The following KIF25 variants were observed in gnomAD, a reference collection of about 807,000 sequenced individuals.
KIF25 encodes the protein kinesin-like protein KIF25.
KIF25 carries 19 observed loss-of-function variants against 32.9 expected under a neutral mutation model. The ratio of observed to expected loss-of-function variants is 0.58; its 90% CI spans 0.40 to 0.85. KIF25 has a LOEUF of 0.85. KIF25 is among the 40% of genes least tolerant of loss of function. The pLI, the probability that KIF25 is intolerant of heterozygous loss-of-function variation, is 0.00. For synonymous variants in KIF25, 225 were observed against 213.7 expected (o/e 1.05, Z -0.46); for missense variants, 485 against 507.0 (o/e 0.96, Z 0.42).
intron 12 of KIF25, among the ~76,000 whole-genome samples, chr6:168,043,938 G>T (rs1269779815): frequency 6.6e-6 from 1 of 152,248 alleles, no homozygotes; most frequent in East Asian, 1.9e-4. Context: ...CTGCCCCAGG[G>T]GGGCCTGAGG....
chr6:168,041,929 G>A (rs1315178683), intron 10 of KIF25, 40 bp from the exon 11 acceptor site: 16 of 1,543,924 alleles, frequency 1.0e-5, no homozygotes, highest in Non-Finnish European at 1.3e-5. Context: ...ATGGCTTCAT[G>A]CAACTGTTTT....
At chr6:168,027,806 G>T (rs190189168) in intron 5 of KIF25, among the ~76,000 whole-genome samples, 38 of 152,370 alleles carry the variant, frequency 2.5e-4, no homozygotes, top group Admixed American at 2.5e-3. Flanking sequence ...GCGAAGTTGA[G>T]TCTTTTCGTG....
intron 7 of KIF25, among the ~76,000 whole-genome samples, chr6:168,031,938 C>T (rs989590391): frequency 5.3e-5 from 8 of 152,188 alleles, no homozygotes; most frequent in Middle Eastern, 3.4e-3. Context: ...GGTGGTCGGG[C>T]GCAGCTTGGT....
At chr6:168,037,192 T>C (rs1799037054) in intron 8 of KIF25, among the ~76,000 whole-genome samples, 1 of 152,270 alleles carries the variant, frequency 6.6e-6, no homozygotes, top group Non-Finnish European at 1.5e-5. Context: ...CAAATCTTGA[T>C]GCTTTGCCAA....
chr6:168,021,352 G>A (rs557215372), intron 5 of KIF25, among the ~76,000 whole-genome samples: 6 of 152,276 alleles, frequency 3.9e-5, no homozygotes, highest in South Asian at 2.1e-4. Context: ...AGCAAGAACC[G>A]ACCCTGCCTC....
In KIF25 at chr6:168,024,423, C is replaced by CTTT. The variant is rs56243912; in HGVS notation, c.-94-5041_-94-5039dup. Among the ~76,000 whole-genome samples, 343 of 61,996 alleles carry CTTT rather than the reference C, an allele frequency of 5.5e-3. 12 individuals carry two copies. Among genetic ancestry groups the CTTT allele is most frequent in the African/African-American group, 8.0e-3 (119 of 14,796 alleles). 40.7% of individuals were successfully genotyped at this position (61,996 alleles called of 152,430 possible). On this transcript the variant is annotated intron_variant, in intron 5 of 12. Coordinates refer to ENST00000643607, the MANE Select transcript of KIF25 (RefSeq NM_030615.4). ...GAATAATCTTAGTAAAAACCTCTCTCTTTTTTTTTTTTTTTTTTTTTTTTT... is the reference window on the plus strand; with the variant it reads ...GAATAATCTTAGTAAAAACCTCTCTCTTTTTTTTTTTTTTTTTTTTTTTTTTTT...
chr6:168,023,598 C>T lies in KIF25; in HGVS notation c.-95+5558C>T, dbSNP rs139672917. ...TGTATTTCTAATAGAGACCGGGTTT[C>T]ACCATGTTGGCCAGGCTGGTCTTGA... On this transcript the variant is annotated intron_variant, in intron 5 of 12. Coordinates refer to ENST00000643607, the MANE Select transcript of KIF25 (RefSeq NM_030615.4). Among the ~76,000 whole-genome samples the T allele has an allele frequency of 6.4e-4, 97 of 152,146 alleles. 2 individuals carry two copies. In the East Asian group the frequency reaches 0.015, roughly 24 times the overall value.
At chr6:168,039,891 T>C (rs1799089932) in intron 9 of KIF25, among the ~76,000 whole-genome samples, 174 bp from the exon 10 acceptor site, 1 of 152,210 alleles carries the variant, frequency 6.6e-6, no homozygotes, top group African/African-American at 2.4e-5. Context: ...TGGTTAGGTC[T>C]CAAAAGGAAA....
chr6:168,020,092 C>T (rs1287285358), intron 5 of KIF25, among the ~76,000 whole-genome samples: 1 of 151,964 alleles, frequency 6.6e-6, no homozygotes, highest in Non-Finnish European at 1.5e-5. Context: ...GATTGTGCCA[C>T]TGCACTCCAG....
Position 168,041,993 on chromosome 6 carries a change from T to TC in KIF25, c.675dup (p.Arg226GlnfsTer178). The stretch of plus-strand genomic sequence containing the variant: ...GCAGACCAAGCCTGCAGTGCCACCC[T>TC]CCCCAGGGAGCAAACAGAGGCAGGA... On this transcript the variant is annotated frameshift_variant, in exon 11 of 13. Transcript: ENST00000643607. LOFTEE classifies it high-confidence loss of function. 6.4e-7 allele frequency: 1 copy of TC among 1,551,776 alleles called. No homozygotes were observed.
At chr6:168,039,071 A>G (rs1328934690) in intron 9 of KIF25, among the ~76,000 whole-genome samples, 1 of 152,258 alleles carries the variant, frequency 6.6e-6, no homozygotes, top group African/African-American at 2.4e-5. Flanking sequence ...TTAAACATAC[A>G]CAATTTTCAT....
chr6:168,012,055 C>T (rs1798654349), intron 4 of KIF25, among the ~76,000 whole-genome samples: 1 of 151,670 alleles, frequency 6.6e-6, no homozygotes, highest in Admixed American at 6.6e-5. Flanking sequence ...ATAATTCTGT[C>T]TCTTTATTGT....
At chr6:168,019,784 A>G (rs1798763915) in intron 5 of KIF25, among the ~76,000 whole-genome samples, 1 of 152,244 alleles carries the variant, frequency 6.6e-6, no homozygotes, top group Non-Finnish European at 1.5e-5. Flanking sequence ...AGCCAAATAC[A>G]GCGGGAGTTG....
chr6:168,030,015 G>T (rs1429754681), intron 6 of KIF25, among the ~76,000 whole-genome samples: 1 of 152,226 alleles, frequency 6.6e-6, no homozygotes, highest in Non-Finnish European at 1.5e-5. Flanking sequence ...AGGAAACTGA[G>T]GTTCACATTA....
At chr6:168,043,163 G>A (rs772228336) in intron 12 of KIF25, among the ~76,000 whole-genome samples, 1 of 152,132 alleles carries the variant, frequency 6.6e-6, no homozygotes, top group South Asian at 2.1e-4. Flanking sequence ...GGGCACAGGC[G>A]GCCCCTGTGT....
At chr6:168,007,058 T>A (rs188809544) in intron 4 of KIF25, among the ~76,000 whole-genome samples, 27 of 152,242 alleles carry the variant, frequency 1.8e-4, no homozygotes, top group African/African-American at 5.3e-4. Flanking sequence ...ATCTACAACA[T>A]GATAATTTAA....
At chr6:167,999,371 C>CAG (rs1334230222) in intron 2 of KIF25, 51 bp downstream of exon 2, 1 of 152,274 alleles carries the variant, frequency 6.6e-6, no homozygotes, top group East Asian at 1.9e-4. Context: ...AGGGAAAAGA[C>CAG]AGAGGAGTGG....
chr6:168,015,323 A>G (rs1798699286), intron 4 of KIF25, among the ~76,000 whole-genome samples: 1 of 152,222 alleles, frequency 6.6e-6, no homozygotes, highest in African/African-American at 2.4e-5. Flanking sequence ...GGTGAATTCA[A>G]TGTACTTTTA....
At position 168,038,823 on chromosome 6, in the gene KIF25, G is replaced by C. The variant is rs1322600557; in HGVS notation, c.494+94G>C. The C allele has an allele frequency of 4.7e-6, 6 of 1,280,496 alleles. No homozygotes were observed. In the Admixed American group the frequency reaches 8.6e-5, roughly 18 times the overall value. The allele number at this position is 1,280,496 out of a possible 1,614,324, so 79.3% of individuals were successfully genotyped here. ...CAGGAGGCTGCACGTCTCTAAACGA[G>C]CTCCCCACGCCCAAGGATCCCAAGG... is the stretch of plus-strand genomic sequence containing the variant. On this transcript the variant is annotated intron_variant, in intron 9 of 12. Coordinates refer to ENST00000643607, the MANE Select transcript of KIF25 (RefSeq NM_030615.4).
Sources: allele counts gnomAD v4.1 joint callset (sites outside exome capture counted in the v4.1 genomes callset), GRCh38; gene constraint gnomAD v4.1.1; transcripts MANE v1.5; gene names NCBI Gene and HGNC (gene_info 2026-07-23, HGNC 2026-07-21).